The following LAMP2 variants were observed in gnomAD, a reference collection of about 807,000 sequenced individuals.
LAMP2 encodes the protein lysosome-associated membrane glycoprotein 2.
Under a neutral mutation model 25.6 loss-of-function variants are expected in LAMP2, and 4 were observed. The observed-to-expected ratio is 0.16, with a 90% CI of 0.08 to 0.36. LAMP2 has a LOEUF of 0.36. Ranked by LOEUF, LAMP2 falls within the 10% of genes least tolerant of loss-of-function variation. LAMP2 has a pLI of 1.00. For synonymous variants in LAMP2, 108 were observed against 112.7 expected, an observed-to-expected ratio of 0.96 and a Z score of 0.27; for missense variants, 272 against 301.4, an observed-to-expected ratio of 0.90 and a Z score of 0.72.
At position 120,448,035 on chromosome X, in the gene LAMP2, G is replaced by C; in HGVS notation, c.557-10C>G. 1.7e-6 allele frequency: 2 copies of C among 1,206,603 alleles called. No individual in the cohort carries two copies. The highest frequency in any genetic ancestry group is 2.2e-6 in the Non-Finnish European group (2 of 890,992). On this transcript the variant is annotated splice_polypyrimidine_tract_variant and intron_variant, in intron 4 of 8. Transcript: ENST00000200639. ...TTATCACACAGGAACTCTAAAACAA[G>C]CGAAAAGGGACAAAAGAAACCAAAG...
At chrX:120,432,150 G>A (rs1299511094) in intron 8 of LAMP2, among the ~76,000 whole-genome samples, 1 of 111,524 alleles carries the variant, frequency 9.0e-6, no homozygotes, top group Non-Finnish European at 1.9e-5. Flanking sequence ...TGACACTTGA[G>A]CTGAGATTTT....
At chrX:120,467,403 T>A (rs1921587076) in intron 1 of LAMP2, among the ~76,000 whole-genome samples, 1 of 111,674 alleles carries the variant, frequency 9.0e-6, no homozygotes, top group Admixed American at 9.5e-5. Flanking sequence ...CCCCCAGTTG[T>A]TACAACCAAA....
At position 120,439,389 on chromosome X, in the gene LAMP2, T is replaced by C; in HGVS notation, c.1093+2341A>G. On this transcript the variant is annotated intron_variant, in intron 8 of 8. Coordinates refer to ENST00000200639, the MANE Select transcript of LAMP2 (RefSeq NM_002294.3). ...TTGATTTAAAAGTCAGAAATGTTCTTACAAGATCAACTTCAAGTAACTAAG... is the reference window on the plus strand; with the variant it reads ...TTGATTTAAAAGTCAGAAATGTTCTCACAAGATCAACTTCAAGTAACTAAG... The C allele has an allele frequency of 3.6e-6, 3 of 842,143 alleles. No homozygotes were observed. The Admixed American group carries it at 6.8e-5, about 19-fold the overall frequency. 69.4% of individuals were successfully genotyped at this position (842,143 alleles called of 1,213,427 possible). A position where few individuals can be genotyped will look rare whatever the true frequency, so the allele number is the denominator to read the frequency against.
chrX:120,446,449 A>G, intron 5 of LAMP2, 22 bp from the exon 6 acceptor site: 1 of 1,206,151 alleles, frequency 8.3e-7, no homozygotes. Context: ...GAAGAAAGGG[A>G]AAAGGTACAG....
At chrX:120,465,804 T>C (rs1013591500) in intron 1 of LAMP2, among the ~76,000 whole-genome samples, 5 of 112,297 alleles carry the variant, frequency 4.5e-5, no homozygotes, top group Non-Finnish European at 9.4e-5. Flanking sequence ...TTGATTTAGC[T>C]ACATATTAGG....
intron 8 of LAMP2, among the ~76,000 whole-genome samples, chrX:120,432,967 C>T (rs1424388259): frequency 9.1e-6 from 1 of 109,318 alleles, no homozygotes; most frequent in Non-Finnish European, 1.9e-5. Context: ...AACCAAGTGG[C>T]TATATGAACC....
Position 120,428,848 on chromosome X carries a change from G to A in LAMP2, c.*2475C>T, listed in dbSNP as rs781643131. On this transcript the variant is annotated 3_prime_UTR_variant, in exon 9 of 9. Coordinates refer to ENST00000200639, the MANE Select transcript of LAMP2 (RefSeq NM_002294.3). The stretch of plus-strand genomic sequence containing the variant: ...AGAAGGTAAGGGAAGAATGGGAAGG[G>A]TCCAAAATAGAGAATTGCGCTTGCC... The A allele has an allele frequency of 3.3e-5, 25 of 748,350 alleles. No homozygotes were observed. In the African/African-American group the frequency reaches 5.6e-4, roughly 17 times the overall value. 61.7% of individuals were successfully genotyped at this position (748,350 alleles called of 1,213,427 possible).
intron 8 of LAMP2, chrX:120,436,379 G>T: frequency 2.6e-6 from 1 of 377,980 alleles, no homozygotes; most frequent in Non-Finnish European, 3.4e-6. Flanking sequence ...AGAACATTTT[G>T]CAAATAATTC....
At chrX:120,436,170 A>ACACACACACACACACTCTCT (rs1251901451) in intron 8 of LAMP2, among the ~76,000 whole-genome samples, 3 of 57,304 alleles carry the variant, frequency 5.2e-5, no homozygotes, top group African/African-American at 1.5e-4. Context: ...ACACACACAC[A>ACACACACACACACACTCTCT]CTCTCTCTCT....
rs1343002948 is a variant in LAMP2, at chrX:120,430,592, C to T, written c.*731G>A. On this transcript the variant is annotated 3_prime_UTR_variant, in exon 9 of 9. Transcript: ENST00000200639. ...GTGGCTAAATATGCTTGGATCTTTT[C>T]AGTCTATATTGCTGAAAAACAAACA... 1.3e-6 allele frequency: 1 copy of T among 754,073 alleles called. No homozygotes were observed. The highest frequency in any genetic ancestry group is 2.3e-5 in the African/African-American group (1 of 43,929). 62.1% of individuals were successfully genotyped at this position (754,073 alleles called of 1,213,427 possible). A position where few individuals can be genotyped will look rare whatever the true frequency, so the allele number is the denominator to read the frequency against.
At chrX:120,468,378 TC>T (rs1921629164) in intron 1 of LAMP2, among the ~76,000 whole-genome samples, 1 of 110,060 alleles carries the variant, frequency 9.1e-6, no homozygotes, top group Non-Finnish European at 1.9e-5. Flanking sequence ...CCATCAAAGT[TC>T]CCCCTGAACC....
chrX:120,452,713 CTTT>C (rs768340777), intron 3 of LAMP2, among the ~76,000 whole-genome samples: 7 of 67,665 alleles, frequency 1.0e-4, no homozygotes, highest in African/African-American at 4.0e-4. Flanking sequence ...CCACACCTGG[CTTT>C]TTTTTTTTTT....
At chrX:120,431,945 G>C (rs751562334) in intron 8 of LAMP2, among the ~76,000 whole-genome samples, 158 of 111,994 alleles carry the variant, frequency 1.4e-3, no homozygotes, top group Non-Finnish European at 2.6e-3. Flanking sequence ...AGAGATATAA[G>C]AGATATAAGT....
intron 8 of LAMP2, chrX:120,437,451 C>A (rs1348475570): frequency 1.3e-6 from 1 of 751,248 alleles, no homozygotes; most frequent in Non-Finnish European, 1.6e-6. Flanking sequence ...CCCACAGGAA[C>A]CTTCCATATA....
chrX:120,459,318 A>T (rs1233586606), intron 1 of LAMP2, among the ~76,000 whole-genome samples: 1 of 112,178 alleles, frequency 8.9e-6, no homozygotes, highest in Non-Finnish European at 1.9e-5. Context: ...CCCACTATAA[A>T]AGCTGAAAAC....
At chrX:120,436,391 G>A in intron 8 of LAMP2, 2 of 466,830 alleles carry the variant, frequency 4.3e-6, no homozygotes, top group Non-Finnish European at 2.7e-6. Flanking sequence ...AAATAATTCA[G>A]TTCTACTTCT....
chrX:120,445,739 C>T (rs1318196652), intron 6 of LAMP2, among the ~76,000 whole-genome samples: 2 of 112,345 alleles, frequency 1.8e-5, no homozygotes, highest in Non-Finnish European at 3.8e-5. Context: ...CCAAAACCTT[C>T]TGTTTAGGTT....
At position 120,441,902 on chromosome X, in the gene LAMP2, GA is replaced by G. The variant is rs1338648665; in HGVS notation, c.929-9del. The G allele has an allele frequency of 4.2e-6, 5 of 1,202,142 alleles. No homozygotes were observed. Among genetic ancestry groups the G allele is most frequent in the Non-Finnish European group, 5.6e-6 (5 of 888,362 alleles). On this transcript the variant is annotated splice_polypyrimidine_tract_variant and intron_variant, in intron 7 of 8. Coordinates refer to ENST00000200639, the MANE Select transcript of LAMP2 (RefSeq NM_002294.3). ...TATTTGCAATGCTGAAAACTTCAAA[GA>G]AAAGAAACAGGTTAGTAACTTCTTA...
chrX:120,446,042 A>G (rs2058594514), intron 6 of LAMP2, among the ~76,000 whole-genome samples: 1 of 110,671 alleles, frequency 9.0e-6, no homozygotes, highest in African/African-American at 3.3e-5. Context: ...CTTTTTTTTG[A>G]TGTGAGTTAA....
Sources: allele counts gnomAD v4.1 joint callset (sites outside exome capture counted in the v4.1 genomes callset), GRCh38; gene constraint gnomAD v4.1.1; transcripts MANE v1.5; gene names NCBI Gene and HGNC (gene_info 2026-07-23, HGNC 2026-07-21).